TAAR5: variants seen among roughly 807,000 people sequenced by gnomAD.
The protein encoded by TAAR5 is trace amine associated receptor 5.
In TAAR5, 27 loss-of-function variants were observed where a neutral mutation model predicts 21.1. The ratio of observed to expected loss-of-function variants is 1.28; its 90% CI spans 0.94 to 1.76. The LOEUF is 1.76. Ranked by LOEUF, TAAR5 falls within the 40% of genes most tolerant of loss-of-function variation. The pLI is 0.00. For synonymous variants in TAAR5, 203 were observed against 167.5 expected (o/e 1.21, Z -1.64); for missense variants, 495 against 405.6 (o/e 1.22, Z -1.89).
At chr6:132,607,588 G>T in the TAAR5 span, among the ~76,000 whole-genome samples, 1 of 152,132 alleles carries the variant, frequency 6.6e-6, no homozygotes, top group Non-Finnish European at 1.5e-5. Flanking sequence ...TTCTAGAGAA[G>T]CAGGAACCAG....
At chr6:132,592,034 C>T (rs1305988907), upstream of TAAR5, among the ~76,000 whole-genome samples, 6 of 152,098 alleles carry the variant, frequency 3.9e-5, no homozygotes, top group East Asian at 7.7e-4. Context: ...GGCTCTTATC[C>T]CTTCTTCCAC....
the TAAR5 span, among the ~76,000 whole-genome samples, chr6:132,597,771 C>T: frequency 1.3e-5 from 2 of 152,070 alleles, no homozygotes; most frequent in Non-Finnish European, 2.9e-5. Flanking sequence ...AAGAAACATC[C>T]GTTGACAATT....
chr6:132,589,057 G>T lies in TAAR5; in HGVS notation c.630C>A (p.Val210=), dbSNP rs201646566. The T allele has an allele frequency of 8.1e-6, 13 of 1,614,062 alleles. No individual in the cohort carries two copies. In the East Asian group the frequency reaches 2.7e-4, roughly 33 times the overall value. ...WGWLNFPLFF[V]PCLIMISLYV... is the part of the protein sequence containing the mutation. ...ACAAGCTGATCATAATGAGGCAGGG[G>T]ACAAAGAACAAAGGGAAGTTTAACC... Residue 210 remains valine, a synonymous_variant, in exon 1 of 1, where the codon GTC becomes GTA. Coordinates refer to ENST00000258034, the MANE Select transcript of TAAR5 (RefSeq NM_003967.3).
At chr6:132,609,522 A>G in the TAAR5 span, among the ~76,000 whole-genome samples, 27 of 152,280 alleles carry the variant, frequency 1.8e-4, no homozygotes, top group Non-Finnish European at 3.2e-4. Flanking sequence ...GTGTTATTCT[A>G]TTTAACTCCA....
In TAAR5 at chr6:132,589,077, T is replaced by C; in HGVS notation, c.610A>G (p.Asn204Asp). The C allele has an allele frequency of 6.2e-7, 1 of 1,614,042 alleles. No individual in the cohort carries two copies. The highest frequency in any genetic ancestry group is 8.5e-7 in the Non-Finnish European group (1 of 1,179,974). The change falls in exon 1 of 1, where the codon AAC becomes GAC. Residue 204 changes from asparagine (N) to aspartate (D), a missense_variant. Asn to Asp is a conservative substitution (Grantham distance 23). Coordinates refer to ENST00000258034, the MANE Select transcript of TAAR5 (RefSeq NM_003967.3). ...LLLNKFWGWL[N>D]FPLFFVPCLI... ...CAGGGGACAAAGAACAAAGGGAAGT[T>C]TAACCAGCCCCAAAATTTATTGAGC...
chr6:132,609,952 G>T, the TAAR5 span, among the ~76,000 whole-genome samples: 3 of 150,408 alleles, frequency 2.0e-5, no homozygotes, highest in Admixed American at 2.0e-4. Flanking sequence ...CCTTCCCTCT[G>T]CCTCTCCTGT....
At chr6:132,607,785 C>G in the TAAR5 span, among the ~76,000 whole-genome samples, 1 of 152,070 alleles carries the variant, frequency 6.6e-6, no homozygotes, top group Admixed American at 6.6e-5. Flanking sequence ...TAAGGCAGGC[C>G]GCTAGTTGTT....
chr6:132,596,454 A>G, the TAAR5 span, among the ~76,000 whole-genome samples: 2 of 152,148 alleles, frequency 1.3e-5, no homozygotes, highest in Admixed American at 1.3e-4. Flanking sequence ...GTCCTTTGGG[A>G]AAATGAACCC....
At chr6:132,599,752 G>A in the TAAR5 span, among the ~76,000 whole-genome samples, 1 of 152,234 alleles carries the variant, frequency 6.6e-6, no homozygotes, top group East Asian at 1.9e-4. Context: ...GAATGGGGAT[G>A]GCTGGAAATG....
At chr6:132,601,957 A>G in the TAAR5 span, among the ~76,000 whole-genome samples, 7 of 152,198 alleles carry the variant, frequency 4.6e-5, no homozygotes, top group Non-Finnish European at 7.3e-5. Flanking sequence ...CTTATTTTTT[A>G]GTGTGTAGAC....
At position 132,589,141 on chromosome 6, in the gene TAAR5, C is replaced by T; in HGVS notation, c.546G>A (p.Trp182Ter). Reference protein sequence around the residue: ...TDVVETRLSQWLEEMPCVGSC... With the variant: ...TDVVETRLSQ ...TGCCCACACAAGGCATCTCTTCCAGCCACTGGCTGAGCCTTGTCTCTACCA... is the reference window on the plus strand; with the variant it reads ...TGCCCACACAAGGCATCTCTTCCAGTCACTGGCTGAGCCTTGTCTCTACCA... The change falls in exon 1 of 1, where the codon TGG becomes TGA. Residue 182 changes from tryptophan (W) to a stop codon, truncating the protein, a stop_gained. Transcript: ENST00000258034. LOFTEE classifies it high-confidence loss of function. 6.2e-7 allele frequency: 1 copy of T among 1,611,662 alleles called. No homozygotes were observed. Among genetic ancestry groups the T allele is most frequent in the South Asian group, 1.1e-5 (1 of 90,530 alleles).
At chr6:132,613,706 T>C in the TAAR5 span, among the ~76,000 whole-genome samples, 1 of 152,202 alleles carries the variant, frequency 6.6e-6, no homozygotes, top group African/African-American at 2.4e-5. Context: ...TTCATTTTAG[T>C]AGGAGGCAGA....
At chr6:132,609,978 C>T in the TAAR5 span, among the ~76,000 whole-genome samples, 3 of 110,520 alleles carry the variant, frequency 2.7e-5, no homozygotes, top group East Asian at 6.7e-4. Flanking sequence ...ACTCTTCATG[C>T]TCCTTCCCTT....
chr6:132,606,499 T>A, the TAAR5 span, among the ~76,000 whole-genome samples: 1 of 152,190 alleles, frequency 6.6e-6, no homozygotes, highest in African/African-American at 2.4e-5. Context: ...GCAGTTCTTC[T>A]CACCTTAATG....
the TAAR5 span, among the ~76,000 whole-genome samples, chr6:132,610,177 T>G: frequency 5.9e-5 from 9 of 152,202 alleles, no homozygotes; most frequent in South Asian, 4.2e-4. Flanking sequence ...AATAAAAACT[T>G]CCAATAAATG....
At chr6:132,594,469 C>G (rs1776949430), upstream of TAAR5, 1 of 152,318 alleles carries the variant, frequency 6.6e-6, no homozygotes, top group African/African-American at 2.4e-5. Flanking sequence ...TCCTCAATGC[C>G]TTGCGAAACC....
chr6:132,611,420 G>A, the TAAR5 span, among the ~76,000 whole-genome samples: 1 of 152,122 alleles, frequency 6.6e-6, no homozygotes, highest in African/African-American at 2.4e-5. Context: ...ATTTTAAAAT[G>A]ACTAAAAGAG....
At chr6:132,591,358 C>A (rs1221647417), upstream of TAAR5, among the ~76,000 whole-genome samples, 2 of 152,038 alleles carry the variant, frequency 1.3e-5, no homozygotes, top group African/African-American at 2.4e-5. Context: ...GAGGTGACAC[C>A]AAATTACATC....
the TAAR5 span, among the ~76,000 whole-genome samples, chr6:132,596,473 A>G: frequency 0.57 from 86,441 of 152,014 alleles, 26,230 homozygotes; most frequent in African/African-American, 0.8. Flanking sequence ...CCACAAGCAC[A>G]TCCTCACCAG....
Sources: allele counts gnomAD v4.1 joint callset (sites outside exome capture counted in the v4.1 genomes callset), GRCh38; gene constraint gnomAD v4.1.1; transcripts MANE v1.5; gene names NCBI Gene and HGNC (gene_info 2026-07-23, HGNC 2026-07-21).